BUB1B: variants seen among roughly 807,000 people sequenced by gnomAD.
The protein encoded by BUB1B is BUB1 mitotic checkpoint serine/threonine kinase B.
A neutral mutation model predicts 137.7 loss-of-function variants in BUB1B; 86 were observed. That is an observed-to-expected ratio of 0.62 (90% confidence interval 0.52 to 0.75). The LOEUF is 0.75. BUB1B is among the 30% of genes least tolerant of loss of function. BUB1B has a pLI of 0.00. For synonymous variants in BUB1B, 420 were observed against 417.9 expected, an observed-to-expected ratio of 1.00 and a Z score of -0.06; for missense variants, 1,130 against 1,236.9, an observed-to-expected ratio of 0.91 and a Z score of 1.30.
chr15:40,210,284 C>T (rs1192746074), intron 18 of BUB1B, 74 bp downstream of exon 18: 1 of 1,115,420 alleles, frequency 9.0e-7, no homozygotes, highest in East Asian at 2.4e-5. Context: ...CCTCATGTTA[C>T]CATCAAATCT....
At chr15:40,179,870 T>G (rs1332423528) in intron 5 of BUB1B, among the ~76,000 whole-genome samples, 1 of 151,968 alleles carries the variant, frequency 6.6e-6, no homozygotes, top group Admixed American at 6.6e-5. Context: ...TAAAAGTTCC[T>G]TTATATTCCC....
At chr15:40,191,202 T>A (rs903175262) in intron 8 of BUB1B, among the ~76,000 whole-genome samples, 19 of 152,322 alleles carry the variant, frequency 1.2e-4, no homozygotes, top group Non-Finnish European at 2.4e-4. Context: ...TGACTTGTAA[T>A]TTAAAACTGA....
chr15:40,164,558 C>G (rs1256486301), intron 1 of BUB1B, among the ~76,000 whole-genome samples: 1 of 151,982 alleles, frequency 6.6e-6, no homozygotes, highest in African/African-American at 2.4e-5. Flanking sequence ...ATGATGCATT[C>G]AATGGTAGGC....
intron 22 of BUB1B, among the ~76,000 whole-genome samples, chr15:40,219,419 G>A (rs1595541184): frequency 2.6e-5 from 4 of 152,078 alleles, no homozygotes; most frequent in East Asian, 1.9e-4. Context: ...CCTCAAGCCT[G>A]CTCATAAAAC....
intron 8 of BUB1B, among the ~76,000 whole-genome samples, chr15:40,186,430 C>CTTTTTTTTTT (rs769074759): frequency 2.2e-4 from 15 of 67,362 alleles, no homozygotes; most frequent in African/African-American, 3.5e-4. Flanking sequence ...TTGCCTAGTT[C>CTTTTTTTTTT]TTTTTTTTTT....
rs1372115983 is a variant in BUB1B, at chr15:40,170,638, G to A, written c.341G>A (p.Arg114Gln). Residue 114 changes from arginine to glutamine, a missense_variant, in exon 4 of 23, where the codon CGA becomes CAA. Physicochemically the swap from Arg to Gln is conservative, Grantham distance 43. Transcript: ENST00000287598. The part of the protein sequence containing the change: ...RAVEALQGEK[R>Q]YYSDPRFLNL... ...GTAGAAGCACTACAAGGAGAAAAACGATATTATAGTGATCCTCGATTTCTC... is the reference window on the plus strand; with the variant it reads ...GTAGAAGCACTACAAGGAGAAAAACAATATTATAGTGATCCTCGATTTCTC... The A allele has an allele frequency of 9.3e-6, 15 of 1,613,604 alleles. No homozygotes were observed. The Admixed American group carries it at 1.0e-4, about 11-fold the overall frequency.
At chr15:40,218,695 A>G in intron 22 of BUB1B, 133 bp downstream of exon 22, 1 of 735,298 alleles carries the variant, frequency 1.4e-6, no homozygotes. Flanking sequence ...GCCAGTTTTC[A>G]TTAGAGTATC....
chr15:40,185,552 C>G lies in BUB1B; in HGVS notation c.968C>G (p.Pro323Arg). 1 of 1,614,098 alleles carries G rather than the reference C, an allele frequency of 6.2e-7. No homozygotes were observed. The highest frequency in any genetic ancestry group is 1.1e-5 in the South Asian group (1 of 91,070). ...WNTGRSLEHR[P>R]RGNTASLIAV... is the part of the protein sequence containing the mutation. ...TTTAGTTTTCTTCTTCATCTCCAGC[C>G]TCGTGGCAATACAGCTTCACTGATA... The change falls in exon 8 of 23, where the codon CCT becomes CGT. Residue 323 changes from proline (P) to arginine (R), a missense_variant and splice_region_variant. Physicochemically the swap from Pro to Arg is moderately radical, Grantham distance 103. Coordinates refer to ENST00000287598, the MANE Select transcript of BUB1B (RefSeq NM_001211.6).
intron 4 of BUB1B, 43 bp from the exon 5 acceptor site, chr15:40,176,434 T>C (rs2037223927): frequency 1.9e-6 from 3 of 1,568,064 alleles, no homozygotes; most frequent in East Asian, 2.2e-5. Context: ...AGGCATTCAA[T>C]ACGTGAGTAG....
intron 15 of BUB1B, 102 bp from the exon 16 acceptor site, chr15:40,208,535 T>C (rs992635520): frequency 2.1e-5 from 26 of 1,223,474 alleles, no homozygotes; most frequent in Non-Finnish European, 3.0e-5. Context: ...CAAAACTCCA[T>C]CTCAAAAAAA....
chr15:40,162,375 T>C (rs766899525), intron 1 of BUB1B, among the ~76,000 whole-genome samples: 4 of 152,174 alleles, frequency 2.6e-5, no homozygotes, highest in East Asian at 3.8e-4. Context: ...TCAAAAGTCA[T>C]TGGAAGGTTT....
chr15:40,220,522 C>T, intron 22 of BUB1B, 42 bp from the exon 23 acceptor site: 1 of 1,600,294 alleles, frequency 6.2e-7, no homozygotes, highest in Non-Finnish European at 8.6e-7. Flanking sequence ...TTATAATTTT[C>T]ATATGCCTAA....
At chr15:40,210,645 G>A (rs2140906735) in intron 18 of BUB1B, among the ~76,000 whole-genome samples, 1 of 152,148 alleles carries the variant, frequency 6.6e-6, no homozygotes, top group Middle Eastern at 3.4e-3. Flanking sequence ...GAATAGCTGG[G>A]ACCGTAGGTG....
chr15:40,202,608 C>T lies in BUB1B; in HGVS notation c.1648C>T (p.Arg550Ter), dbSNP rs767213728. 3.7e-6 allele frequency: 6 copies of T among 1,613,952 alleles called. No homozygotes were observed. Among genetic ancestry groups the T allele is most frequent in the African/African-American group, 2.7e-5 (2 of 74,890 alleles). Residue 550 changes from arginine (R) to a stop codon, truncating the protein, a stop_gained, in exon 14 of 23, where the codon CGA becomes TGA. Transcript: ENST00000287598. LOFTEE classifies it high-confidence loss of function. Reference sequence around the variant, plus strand: ...TTCCAGTCCTCCTGCAGATCCCCCACGAGTTTTAGCTCAACGAAGACCCCT... The same window carrying T: ...TTCCAGTCCTCCTGCAGATCCCCCATGAGTTTTAGCTCAACGAAGACCCCT... Reference protein sequence around the residue: ...KNKSPPADPPRVLAQRRPLAV... With the variant: ...KNKSPPADPP
At chr15:40,204,633 A>G (rs1314596988) in intron 14 of BUB1B, among the ~76,000 whole-genome samples, 1 of 151,238 alleles carries the variant, frequency 6.6e-6, no homozygotes, top group Non-Finnish European at 1.5e-5. Flanking sequence ...ATGTATATAT[A>G]TATTTTTTTC....
intron 2 of BUB1B, among the ~76,000 whole-genome samples, chr15:40,165,927 A>G (rs1030866177): frequency 6.6e-6 from 1 of 150,382 alleles, no homozygotes; most frequent in African/African-American, 2.5e-5. Context: ...ATTTCAGCTC[A>G]CTGCAACCTC....
intron 20 of BUB1B, 64 bp downstream of exon 20, chr15:40,213,538 T>TC: frequency 6.3e-7 from 1 of 1,585,478 alleles, no homozygotes; most frequent in Non-Finnish European, 8.6e-7. Flanking sequence ...GTTGCCACTT[T>TC]TTTTTTTCTT....
rs747976070 is a variant in BUB1B at position 40,170,089 on chromosome 15, C to T, written c.207C>T (p.Tyr69=). 5 of 1,613,914 alleles carry T rather than the reference C, an allele frequency of 3.1e-6. No individual in the cohort carries two copies. In the East Asian group the frequency reaches 6.7e-5, roughly 22 times the overall value. The stretch of plus-strand genomic sequence containing the variant: ...CATTTGAATATGAAATTCGATTTTA[C>T]ACTGGAAATGACCCTCTGGATGTTT... ...KRAFEYEIRF[Y]TGNDPLDVWD... The change falls in exon 3 of 23, where the codon TAC becomes TAT. Residue 69 remains tyrosine (Y), a synonymous_variant. Coordinates refer to ENST00000287598, the MANE Select transcript of BUB1B (RefSeq NM_001211.6).
In BUB1B at chr15:40,202,611, G is replaced by C. The variant is rs1334979878; in HGVS notation, c.1651G>C (p.Val551Leu). The C allele has an allele frequency of 1.2e-6, 2 of 1,614,084 alleles. No homozygotes were observed. Among genetic ancestry groups the C allele is most frequent in the South Asian group, 2.2e-5 (2 of 91,084 alleles). ...NKSPPADPPR[V>L]LAQRRPLAVL... is the part of the protein sequence containing the mutation. Reference sequence around the variant, plus strand: ...CAGTCCTCCTGCAGATCCCCCACGAGTTTTAGCTCAACGAAGACCCCTTGC... The same window carrying C: ...CAGTCCTCCTGCAGATCCCCCACGACTTTTAGCTCAACGAAGACCCCTTGC... Residue 551 changes from valine to leucine, a missense_variant, in exon 14 of 23, where the codon GTT (valine) becomes CTT (leucine). Transcript: ENST00000287598.
Sources: allele counts gnomAD v4.1 joint callset (sites outside exome capture counted in the v4.1 genomes callset), GRCh38; gene constraint gnomAD v4.1.1; transcripts MANE v1.5; gene names NCBI Gene and HGNC (gene_info 2026-07-23, HGNC 2026-07-21).